Variants in NEDD4L observed in about 807,000 individuals in gnomAD.
NEDD4L encodes E3 ubiquitin-protein ligase NEDD4-like.
NEDD4L carries 54 observed loss-of-function variants against 148.9 expected under a neutral mutation model. The observed-to-expected ratio is 0.36, with a 90% CI of 0.29 to 0.45. The LOEUF is 0.45. Among genes scored for constraint, NEDD4L ranks in the 20% least tolerant of loss-of-function variants. The pLI, the probability that NEDD4L is intolerant of heterozygous loss-of-function variation, is 1.00. For synonymous variants in NEDD4L, 433 were observed against 440.7 expected (o/e 0.98, Z 0.22); for missense variants, 856 against 1,233.8 (o/e 0.69, Z 4.59).
At chr18:58,216,587 G>A (rs2043176308) in intron 2 of NEDD4L, among the ~76,000 whole-genome samples, 1 of 152,176 alleles carries the variant, frequency 6.6e-6, no homozygotes, top group African/African-American at 2.4e-5. Flanking sequence ...TTGATTGACT[G>A]GATGTGTAAG....
chr18:58,165,214 A>G (rs1253737935), intron 1 of NEDD4L, among the ~76,000 whole-genome samples: 2 of 152,234 alleles, frequency 1.3e-5, no homozygotes, highest in Non-Finnish European at 2.9e-5. Flanking sequence ...TAAATGAACA[A>G]ATGAACAGTT....
chr18:58,394,513 C>T (rs1436284989), intron 30 of NEDD4L, among the ~76,000 whole-genome samples: 7 of 152,264 alleles, frequency 4.6e-5, no homozygotes, highest in Non-Finnish European at 1.5e-5. Context: ...CCTGAAGCCA[C>T]TTTCGGTGAA....
At chr18:58,105,993 A>G (rs1308756671) in intron 1 of NEDD4L, among the ~76,000 whole-genome samples, 2 of 152,262 alleles carry the variant, frequency 1.3e-5, no homozygotes, top group African/African-American at 4.8e-5. Context: ...CCCAGCAGCT[A>G]AATGATTACT....
chr18:58,121,462 C>T (rs1455483371), intron 1 of NEDD4L, among the ~76,000 whole-genome samples: 1 of 151,796 alleles, frequency 6.6e-6, no homozygotes, highest in African/African-American at 2.4e-5. Context: ...TCTCTATCAC[C>T]CAGGCTGGAG....
chr18:58,089,360 C>A (rs1303205804), intron 1 of NEDD4L, among the ~76,000 whole-genome samples: 1 of 152,062 alleles, frequency 6.6e-6, no homozygotes, highest in Non-Finnish European at 1.5e-5. Flanking sequence ...GTCTTGAACT[C>A]CTGACCTCAG....
At chr18:58,330,552 CA>C (rs2059705353) in intron 10 of NEDD4L, among the ~76,000 whole-genome samples, 185 bp from the exon 11 acceptor site, 2 of 152,328 alleles carry the variant, frequency 1.3e-5, no homozygotes, top group South Asian at 4.1e-4. Context: ...TCAGTTTCCT[CA>C]TCTGTTAATT....
At chr18:58,054,870 G>T (rs113193626) in intron 1 of NEDD4L, 10 of 152,156 alleles carry the variant, frequency 6.6e-5, no homozygotes, top group African/African-American at 2.4e-4. Context: ...TGATTCTTGA[G>T]AAATTGGTAT....
At chr18:58,079,774 A>G (rs1253077890) in intron 1 of NEDD4L, among the ~76,000 whole-genome samples, 2 of 152,094 alleles carry the variant, frequency 1.3e-5, no homozygotes, top group Non-Finnish European at 2.9e-5. Context: ...TCCCTTTTTA[A>G]ACTGGGTGAG....
At chr18:58,335,324 C>T (rs2041589556) in intron 12 of NEDD4L, among the ~76,000 whole-genome samples, 154 bp from the exon 13 acceptor site, 1 of 152,170 alleles carries the variant, frequency 6.6e-6, no homozygotes, top group South Asian at 2.1e-4. Context: ...TACTGGTCAT[C>T]AGCGACTGCT....
chr18:58,157,713 C>T (rs1413828179), intron 1 of NEDD4L, among the ~76,000 whole-genome samples: 3 of 152,154 alleles, frequency 2.0e-5, no homozygotes, highest in Non-Finnish European at 4.4e-5. Context: ...AGTCACCAAG[C>T]TCTGTTAATT....
chr18:58,226,429 A>C (rs1189509659), intron 2 of NEDD4L, among the ~76,000 whole-genome samples: 1 of 152,228 alleles, frequency 6.6e-6, no homozygotes, highest in Admixed American at 6.5e-5. Flanking sequence ...CCAAGTCAAA[A>C]TTGATTATAG....
intron 2 of NEDD4L, among the ~76,000 whole-genome samples, chr18:58,173,743 T>C (rs954790572): frequency 2.6e-5 from 4 of 152,234 alleles, no homozygotes; most frequent in Non-Finnish European, 4.4e-5. Context: ...CATATTTCTA[T>C]ATAACTGTAG....
rs2277718 is a variant in NEDD4L, at chr18:58,389,270, G to A, written c.2655+78G>A. The A allele has an allele frequency of 0.054, 57,944 of 1,070,714 alleles. 2,238 individuals carry two copies. Among genetic ancestry groups the A allele is most frequent in the South Asian group, 0.16 (11,256 of 71,004 alleles). 66.3% of individuals were successfully genotyped at this position (1,070,714 alleles called of 1,614,324 possible). A position where few individuals can be genotyped will look rare whatever the true frequency, so the allele number is the denominator to read the frequency against. On this transcript the variant is annotated intron_variant, in intron 28 of 30. Coordinates refer to ENST00000400345, the MANE Select transcript of NEDD4L (RefSeq NM_001144967.3). ...GGGCTGTGTGGCGCCCTCCATTGTGGTCTGACTTCAGGACTGATGCTGGCT... is the reference window on the plus strand; with the variant it reads ...GGGCTGTGTGGCGCCCTCCATTGTGATCTGACTTCAGGACTGATGCTGGCT...
chr18:58,213,725 T>C (rs2042841388), intron 2 of NEDD4L, among the ~76,000 whole-genome samples: 1 of 152,222 alleles, frequency 6.6e-6, no homozygotes, highest in African/African-American at 2.4e-5. Context: ...TGGCTCCTTC[T>C]CTTAGGTCTT....
chr18:58,167,919 A>G (rs2037073570), intron 2 of NEDD4L, among the ~76,000 whole-genome samples: 1 of 151,588 alleles, frequency 6.6e-6, no homozygotes, highest in South Asian at 2.1e-4. Context: ...AAACCCTCCC[A>G]TTAAAAAAAA....
chr18:58,351,942 G>A (rs1280625008), intron 18 of NEDD4L, among the ~76,000 whole-genome samples: 1 of 152,138 alleles, frequency 6.6e-6, no homozygotes, highest in Non-Finnish European at 1.5e-5. Context: ...GTATAGGACT[G>A]GTCACTATCT....
chr18:58,357,385 T>C, intron 19 of NEDD4L, 133 bp downstream of exon 19: 1 of 844,366 alleles, frequency 1.2e-6, no homozygotes. Context: ...CAGAGCACTT[T>C]GCTGCCATCT....
chr18:58,328,652 G>C (rs1352125831), intron 9 of NEDD4L, among the ~76,000 whole-genome samples: 8 of 152,198 alleles, frequency 5.3e-5, no homozygotes, highest in Non-Finnish European at 1.0e-4. Context: ...TGTCACCTCT[G>C]CTTCCAGAGG....
chr18:58,095,713 T>A (rs2084353310), intron 1 of NEDD4L, among the ~76,000 whole-genome samples: 1 of 152,228 alleles, frequency 6.6e-6, no homozygotes, highest in South Asian at 2.1e-4. Flanking sequence ...TTCTTCTGGT[T>A]CTTTTCATGA....
Sources: gnomAD v4.1 joint callset for allele counts (sites outside exome capture counted in the v4.1 genomes callset) on GRCh38, gnomAD v4.1.1 for gene constraint, MANE v1.5 for transcripts, NCBI Gene and HGNC (gene_info 2026-07-23, HGNC 2026-07-21) for gene names.